ATP6V0A4: variants seen among roughly 807,000 people sequenced by gnomAD.
The protein encoded by ATP6V0A4 is V-type proton ATPase 116 kDa subunit a 4.
ATP6V0A4 carries 86 observed loss-of-function variants against 107.3 expected under a neutral mutation model. That is an observed-to-expected ratio of 0.80 (90% CI 0.67 to 0.96). The LOEUF is 0.96. ATP6V0A4 is among the 40% of genes least tolerant of loss of function. The probability of loss-of-function intolerance (pLI) is 0.00; values close to 1 mark genes in which losing one functional copy is unlikely to be tolerated. For missense variants in ATP6V0A4, 908 were observed against 1,045.6 expected (o/e 0.87, Z 1.81); for synonymous variants, 353 against 381.4 (o/e 0.93, Z 0.87).
At chr7:138,739,272 GA>G (rs1209186471) in intron 15 of ATP6V0A4, among the ~76,000 whole-genome samples, 1 of 152,124 alleles carries the variant, frequency 6.6e-6, no homozygotes, top group Non-Finnish European at 1.5e-5. Context: ...GCCTTTTAAA[GA>G]AGCAGTTATT....
intron 2 of ATP6V0A4, among the ~76,000 whole-genome samples, chr7:138,781,272 C>T (rs1807906964): frequency 6.6e-6 from 1 of 152,098 alleles, no homozygotes; most frequent in Non-Finnish European, 1.5e-5. Context: ...ATTTGTTATA[C>T]AAAAACTTAA....
At chr7:138,792,676 C>A (rs1261220896) in intron 1 of ATP6V0A4, among the ~76,000 whole-genome samples, 1 of 151,966 alleles carries the variant, frequency 6.6e-6, no homozygotes, top group Non-Finnish European at 1.5e-5. Context: ...TGGCTCCCTG[C>A]CATCTCGGAT....
chr7:138,767,489 C>T (rs1807152757), intron 5 of ATP6V0A4, among the ~76,000 whole-genome samples: 1 of 152,136 alleles, frequency 6.6e-6, no homozygotes, highest in Non-Finnish European at 1.5e-5. Context: ...CACCACTGCA[C>T]TCCAGCCTGG....
chr7:138,756,212 G>C (rs1806505400), intron 9 of ATP6V0A4, among the ~76,000 whole-genome samples: 1 of 152,218 alleles, frequency 6.6e-6, no homozygotes, highest in South Asian at 2.1e-4. Flanking sequence ...AAAAGTCTCA[G>C]ATGGAATAGA....
chr7:138,715,884 G>T lies in ATP6V0A4; in HGVS notation c.2140-3C>A, dbSNP rs374868672. 9 of 1,612,500 alleles carry T rather than the reference G, an allele frequency of 5.6e-6. No homozygotes were observed. Among genetic ancestry groups the T allele is most frequent in the Non-Finnish European group, 7.6e-6 (9 of 1,178,940 alleles). On this transcript the variant is annotated splice_region_variant and splice_polypyrimidine_tract_variant and intron_variant, in intron 19 of 21. Coordinates refer to ENST00000310018, the MANE Select transcript of ATP6V0A4 (RefSeq NM_020632.3). ...ACAAAGACGTCTCCAAAGTTGAACT[G>T]AAAGACGGAATTGTTTATTTTACTT... is the stretch of plus-strand genomic sequence containing the variant.
chr7:138,732,525 G>A (rs1805070433), intron 17 of ATP6V0A4, among the ~76,000 whole-genome samples: 2 of 152,084 alleles, frequency 1.3e-5, no homozygotes, highest in Admixed American at 6.6e-5. Flanking sequence ...CAGGTGCGGT[G>A]GCTCACACCT....
intron 8 of ATP6V0A4, among the ~76,000 whole-genome samples, chr7:138,758,083 C>T (rs558541200): frequency 7.9e-5 from 12 of 152,158 alleles, no homozygotes; most frequent in Non-Finnish European, 1.8e-4. Flanking sequence ...TGACCTTCGG[C>T]GTCCACGCTC....
Position 138,721,933 on chromosome 7 carries a change from T to C in ATP6V0A4, c.2103A>G (p.Ala701=). The C allele has an allele frequency of 6.2e-7, 1 of 1,614,150 alleles. No individual in the cohort carries two copies. The highest frequency in any genetic ancestry group is 8.5e-7 in the Non-Finnish European group (1 of 1,180,024). ...PSSRSGQRTS[A]DTHGALDDHG... ...GGTCGTCCAGAGCCCCGTGGGTATC[T>C]GCAGAAGTCCTCTGGCCAGAACGGC... The change falls in exon 19 of 22, where the codon GCA becomes GCG. Residue 701 remains alanine (A), a synonymous_variant. Transcript: ENST00000310018.
rs369287487 is a variant in ATP6V0A4, at chr7:138,752,857, C to G, written c.817-20G>C. ...TATGACCTATACAAAAAACAACACA[C>G]AGGAAAACAGAGAACCTTCACAGAG... On this transcript the variant is annotated intron_variant, in intron 10 of 21. Coordinates refer to ENST00000310018, the MANE Select transcript of ATP6V0A4 (RefSeq NM_020632.3). 25 of 1,612,584 alleles carry G rather than the reference C, an allele frequency of 1.6e-5. No homozygotes were observed. The highest frequency in any genetic ancestry group is 2.0e-5 in the Non-Finnish European group (24 of 1,179,972).
At chr7:138,794,744 G>A (rs1057063161) in intron 1 of ATP6V0A4, among the ~76,000 whole-genome samples, 6 of 152,066 alleles carry the variant, frequency 3.9e-5, no homozygotes, top group African/African-American at 1.4e-4. Context: ...GATGCAAAAT[G>A]TATGAGTGAG....
At chr7:138,784,191 A>C (rs1808039460) in intron 2 of ATP6V0A4, among the ~76,000 whole-genome samples, 1 of 145,934 alleles carries the variant, frequency 6.9e-6, no homozygotes, top group Non-Finnish European at 1.5e-5. Context: ...AAAGAAACTA[A>C]TCCACCTATG....
intron 2 of ATP6V0A4, among the ~76,000 whole-genome samples, chr7:138,778,298 TTGCAG>T (rs1807762090): frequency 1.7e-5 from 1 of 59,640 alleles, no homozygotes; most frequent in Non-Finnish European, 4.0e-5. Context: ...ATCGCAAAGG[TTGCAG>T]TGAGCCAAGA....
At chr7:138,718,868 G>A (rs963936730) in intron 19 of ATP6V0A4, among the ~76,000 whole-genome samples, 2 of 152,104 alleles carry the variant, frequency 1.3e-5, no homozygotes, top group African/African-American at 4.8e-5. Flanking sequence ...AAAGAGTCAA[G>A]GTAAAGAAGA....
chr7:138,792,581 A>C (rs539037621), intron 1 of ATP6V0A4, among the ~76,000 whole-genome samples: 35 of 152,060 alleles, frequency 2.3e-4, no homozygotes, highest in Non-Finnish European at 4.6e-4. Flanking sequence ...GCACTTGGTA[A>C]GCTGATAGAT....
intron 2 of ATP6V0A4, among the ~76,000 whole-genome samples, chr7:138,785,700 AAG>A (rs929446359): frequency 6.6e-6 from 1 of 152,160 alleles, no homozygotes; most frequent in East Asian, 1.9e-4. Flanking sequence ...TGCTAAAAAA[AAG>A]AGAGAATGAA....
At chr7:138,744,709 C>CT (rs59822153) in intron 14 of ATP6V0A4, among the ~76,000 whole-genome samples, 22 of 150,048 alleles carry the variant, frequency 1.5e-4, no homozygotes, top group Non-Finnish European at 2.2e-4. Context: ...TTTTCTTTTT[C>CT]TTTTTTTTTT....
chr7:138,718,532 G>C (rs555088699), intron 19 of ATP6V0A4, among the ~76,000 whole-genome samples: 1 of 142,842 alleles, frequency 7.0e-6, no homozygotes, highest in Non-Finnish European at 1.5e-5. Context: ...GAATGGGGCG[G>C]GTGGTGCAGT....
intron 15 of ATP6V0A4, among the ~76,000 whole-genome samples, chr7:138,736,605 T>C (rs1376669348): frequency 6.6e-6 from 1 of 152,116 alleles, no homozygotes. Flanking sequence ...AGAGTCTCGC[T>C]CTGTTGCTCA....
intron 14 of ATP6V0A4, among the ~76,000 whole-genome samples, chr7:138,740,855 G>C (rs1327620893): frequency 6.6e-6 from 1 of 151,634 alleles, no homozygotes; most frequent in Non-Finnish European, 1.5e-5. Flanking sequence ...GAAATGATGA[G>C]GAACAGGCCT....
Sources: gnomAD v4.1 joint callset for allele counts (sites outside exome capture counted in the v4.1 genomes callset) on GRCh38, gnomAD v4.1.1 for gene constraint, MANE v1.5 for transcripts, NCBI Gene and HGNC (gene_info 2026-07-23, HGNC 2026-07-21) for gene names.